RUFY1: variants seen among roughly 807,000 people sequenced by gnomAD.
The protein encoded by RUFY1 is RUN and FYVE domain containing 1, also known as RUN and FYVE domain-containing protein 1.
A neutral mutation model predicts 94.6 loss-of-function variants in RUFY1; 54 were observed. That is an observed-to-expected ratio of 0.57 (90% CI 0.46 to 0.72). The LOEUF (loss-of-function observed/expected upper bound fraction) is 0.72, where lower values mean the gene tolerates loss of function less well. Ranked by LOEUF, RUFY1 falls within the 30% of genes least tolerant of loss-of-function variation. The pLI, the probability that RUFY1 is intolerant of heterozygous loss-of-function variation, is 0.00. For missense variants in RUFY1, 883 were observed against 883.9 expected (o/e 1.00, Z 0.01); for synonymous variants, 396 against 347.3 (o/e 1.14, Z -1.56).
intron 1 of RUFY1, among the ~76,000 whole-genome samples, chr5:179,552,158 CT>C (rs1761889704): frequency 2.6e-5 from 1 of 39,070 alleles, no homozygotes; most frequent in Admixed American, 5.6e-4. Flanking sequence ...GAGCGAGACT[CT>C]GTCTCAAAAA....
chr5:179,569,039 G>A (rs138043105), intron 4 of RUFY1: 2 of 985,352 alleles, frequency 2.0e-6, no homozygotes, highest in African/African-American at 3.5e-5. Context: ...AGGAGACGAG[G>A]AGAACTGGGG....
chr5:179,606,001 C>G, intron 16 of RUFY1, 77 bp downstream of exon 16: 2 of 977,048 alleles, frequency 2.0e-6, no homozygotes, highest in Admixed American at 3.6e-5. Context: ...TTAAGTATCC[C>G]AACAGTCAGG....
rs1361000344 is a variant in RUFY1 at position 179,596,338 on chromosome 5, GT to G, written c.1512-222del. The G allele has an allele frequency of 4.7e-6, 3 of 637,078 alleles. No individual in the cohort carries two copies. In the East Asian group the frequency reaches 7.9e-5, roughly 17 times the overall value. 39.5% of individuals were successfully genotyped at this position (637,078 alleles called of 1,614,324 possible). A position where few individuals can be genotyped will look rare whatever the true frequency, so the allele number is the denominator to read the frequency against. The stretch of plus-strand genomic sequence containing the variant: ...ATTCTCAAAAAGCCAAAGCCATATT[GT>G]TGCAGGACAGATGAGTGGTTGCCAG... On this transcript the variant is annotated intron_variant, in intron 12 of 17. Transcript: ENST00000319449.
chr5:179,584,613 C>T (rs955086342), intron 7 of RUFY1, among the ~76,000 whole-genome samples: 1 of 151,794 alleles, frequency 6.6e-6, no homozygotes, highest in African/African-American at 2.4e-5. Flanking sequence ...GAAACCTCAC[C>T]TCTACAAAAA....
chr5:179,555,713 C>G lies in RUFY1; in HGVS notation c.311-4312C>G, dbSNP rs1011937995. On this transcript the variant is annotated intron_variant, in intron 1 of 17. Transcript: ENST00000319449. ...CGTGATCTCGGGTCACGGCAACCTCCGCCTCCCAGGTTCAAGCGATTCTCC... is the reference window on the plus strand; with the variant it reads ...CGTGATCTCGGGTCACGGCAACCTCGGCCTCCCAGGTTCAAGCGATTCTCC... The G allele has an allele frequency of 7.6e-6, 3 of 392,724 alleles. No homozygotes were observed. The Admixed American group carries it at 8.6e-5, about 11-fold the overall frequency. The allele number at this position is 392,724 out of a possible 1,614,324, so 24.3% of individuals were successfully genotyped here. A position where few individuals can be genotyped will look rare whatever the true frequency, so the allele number is the denominator to read the frequency against.
At chr5:179,604,983 CAA>C (rs199950744) in intron 15 of RUFY1, among the ~76,000 whole-genome samples, 1 of 123,308 alleles carries the variant, frequency 8.1e-6, no homozygotes. Flanking sequence ...GACTCCATCT[CAA>C]AAAAAAAAAA....
chr5:179,584,514 C>T (rs1162810993), intron 7 of RUFY1, among the ~76,000 whole-genome samples: 3 of 152,152 alleles, frequency 2.0e-5, no homozygotes, highest in Non-Finnish European at 4.4e-5. Flanking sequence ...TGTGGAAGCT[C>T]ATGCCAGTAA....
intron 1 of RUFY1, among the ~76,000 whole-genome samples, chr5:179,556,921 G>GT (rs1281439602): frequency 1.3e-5 from 2 of 152,124 alleles, no homozygotes; most frequent in South Asian, 4.1e-4. Flanking sequence ...TTTTAGTCCT[G>GT]TTTTTTGTTT....
Position 179,550,583 on chromosome 5 carries a change from A to T in RUFY1, c.14A>T (p.Glu5Val), listed in dbSNP as rs1206126616. The T allele has an allele frequency of 9.4e-7, 1 of 1,068,884 alleles. No individual in the cohort carries two copies. The highest frequency in any genetic ancestry group is 2.2e-5 in the South Asian group (1 of 45,562). The allele number at this position is 1,068,884 out of a possible 1,614,324, so 66.2% of individuals were successfully genotyped here. MADR[E>V]GGCAAGRGRE... ...GACACGGCCAAGATGGCCGACCGGG[A>T]AGGCGGCTGCGCTGCTGGGCGGGGG... The change falls in exon 1 of 18, where the codon GAA becomes GTA. Residue 5 changes from glutamate (E) to valine (V), a missense_variant. Coordinates refer to ENST00000319449, the MANE Select transcript of RUFY1 (RefSeq NM_025158.5).
chr5:179,559,830 G>A, intron 1 of RUFY1, 195 bp from the exon 2 acceptor site: 1 of 1,340,976 alleles, frequency 7.5e-7, no homozygotes, highest in Non-Finnish European at 9.5e-7. Flanking sequence ...AGGCCCCGCC[G>A]TCCAGGTAGG....
rs184293629 is a variant in RUFY1, at chr5:179,598,567, C to T, written c.1632-125C>T. ...ACCCTGGAGGAGAGGGAAGCGTTGC[C>T]GAAGGCTTTAGATGCTCAAGAGGCA... On this transcript the variant is annotated intron_variant, in intron 13 of 17. Transcript: ENST00000319449. 1.7e-3 allele frequency: 1,898 copies of T among 1,106,124 alleles called. 30 individuals carry two copies. In the African/African-American group the frequency reaches 0.024, roughly 14 times the overall value. 68.5% of individuals were successfully genotyped at this position (1,106,124 alleles called of 1,614,324 possible).
At position 179,596,649 on chromosome 5, in the gene RUFY1, GCAGCTGCAGCTCTCC is replaced by G; in HGVS notation, c.1608_1622del (p.Gln536_Leu540del). On this transcript the variant is annotated inframe_deletion, in exon 13 of 18. Coordinates refer to ENST00000319449, the MANE Select transcript of RUFY1 (RefSeq NM_025158.5). ...AGCTGGGCGGGAGGATCGGCGCCCT[GCAGCTGCAGCTCTCC>G]CAGCTGCACGAGCAATGGTAGGGGC... 1 of 1,608,490 alleles carries G rather than the reference GCAGCTGCAGCTCTCC, an allele frequency of 6.2e-7. No homozygotes were observed. The highest frequency in any genetic ancestry group is 8.5e-7 in the Non-Finnish European group (1 of 1,178,260).
chr5:179,592,544 G>A (rs560155287), intron 10 of RUFY1, among the ~76,000 whole-genome samples: 2 of 152,286 alleles, frequency 1.3e-5, no homozygotes, highest in East Asian at 1.9e-4. Context: ...GAGCCACTGC[G>A]CCTGGCCATT....
chr5:179,598,546 T>G, intron 13 of RUFY1, 146 bp from the exon 14 acceptor site: 1 of 876,482 alleles, frequency 1.1e-6, no homozygotes, highest in South Asian at 1.6e-5. Context: ...CAGGTGACCC[T>G]GGAGGAGAGG....
intron 6 of RUFY1, among the ~76,000 whole-genome samples, chr5:179,579,393 C>G (rs1763905458): frequency 6.6e-6 from 1 of 152,070 alleles, no homozygotes; most frequent in Admixed American, 6.6e-5. Flanking sequence ...TGTAGCGGCA[C>G]TATCTGAGCG....
chr5:179,606,286 G>A, intron 16 of RUFY1: 1 of 300,860 alleles, frequency 3.3e-6, no homozygotes, highest in Non-Finnish European at 6.2e-6. Context: ...CCAGAGGCCA[G>A]CCAGCCCCAC....
intron 11 of RUFY1, among the ~76,000 whole-genome samples, chr5:179,594,543 C>T (rs1248737251): frequency 2.7e-5 from 4 of 146,750 alleles, no homozygotes; most frequent in Non-Finnish European, 6.0e-5. Flanking sequence ...AGGCGGATCA[C>T]GACGTCAGGT....
intron 3 of RUFY1, among the ~76,000 whole-genome samples, chr5:179,565,056 T>C (rs1762736546): frequency 6.6e-6 from 1 of 152,074 alleles, no homozygotes; most frequent in African/African-American, 2.4e-5. Context: ...GAAACATGTT[T>C]CGGAAATGAA....
At chr5:179,577,872 A>G (rs1220768258) in intron 6 of RUFY1, among the ~76,000 whole-genome samples, 1 of 123,560 alleles carries the variant, frequency 8.1e-6, no homozygotes, top group East Asian at 3.0e-4. Flanking sequence ...AAAAAAAAAA[A>G]AAAAAAAATT....
Sources: gnomAD v4.1 joint callset for allele counts (sites outside exome capture counted in the v4.1 genomes callset) on GRCh38, gnomAD v4.1.1 for gene constraint, MANE v1.5 for transcripts, NCBI Gene and HGNC (gene_info 2026-07-23, HGNC 2026-07-21) for gene names.